The following CCDC187 variants were observed in gnomAD, a reference collection of about 807,000 sequenced individuals.
The protein encoded by CCDC187 is coiled-coil domain containing 187.
A neutral mutation model predicts 38.0 loss-of-function variants in CCDC187; 32 were observed. The ratio of observed to expected loss-of-function variants is 0.84; its 90% CI spans 0.64 to 1.13. The LOEUF (loss-of-function observed/expected upper bound fraction) is 1.13. Among genes scored for constraint, CCDC187 ranks in the 50% most tolerant of loss-of-function variants. CCDC187 has a pLI of 0.00. For missense variants in CCDC187, 707 were observed against 786.8 expected (o/e 0.90, Z 1.21); for synonymous variants, 333 against 347.9 (o/e 0.96, Z 0.48).
Position 136,255,086 on chromosome 9 carries a change from C to T in CCDC187, c.4742G>A (p.Gly1581Asp). 2.0e-6 allele frequency: 2 copies of T among 985,570 alleles called. No individual in the cohort carries two copies. Among genetic ancestry groups the T allele is most frequent in the Non-Finnish European group, 2.4e-6 (2 of 830,096 alleles). 61.1% of individuals were successfully genotyped at this position (985,570 alleles called of 1,614,324 possible). Residue 1581 changes from glycine (G) to aspartate (D), a missense_variant, in exon 26 of 26, where the codon GGC becomes GAC. Gly to Asp is a moderately conservative substitution (Grantham distance 94, BLOSUM62 -1). Coordinates refer to ENST00000638797, the MANE Select transcript of CCDC187 (RefSeq NM_001378188.1). ...GGAGGTGGTGGGGAGAAGGGGACTG[C>T]CCTGGTGCAGGATTGGGGGCGCCGC... ...EEAAPPILHQ[G>D]SPLLPTTSSC...
At chr9:136,259,263 A>C in intron 21 of CCDC187, 100 bp downstream of exon 21, 1 of 305,590 alleles carries the variant, frequency 3.3e-6, no homozygotes, top group Non-Finnish European at 4.6e-6. Context: ...GGGGGAGGGT[A>C]CCAAGATGAA....
intron 24 of CCDC187, among the ~76,000 whole-genome samples, chr9:136,255,998 C>T (rs782682593): frequency 6.6e-6 from 1 of 152,180 alleles, no homozygotes; most frequent in Non-Finnish European, 1.5e-5. Context: ...CGAAGCCGCT[C>T]TGCTGACCTT....
Position 136,291,319 on chromosome 9 carries a change from C to A in CCDC187, c.1294G>T (p.Glu432Ter). ...CTCTCTAAAGAGGAATGCTTCCTCTCTGTCATGGCCCAGGGACTCTTAGAG... is the reference window on the plus strand; with the variant it reads ...CTCTCTAAAGAGGAATGCTTCCTCTATGTCATGGCCCAGGGACTCTTAGAG... ...SFSKSPWAMT[E>*]RKHSSLERAR... Residue 432 changes from glutamate to a stop codon, truncating the protein, a stop_gained, in exon 6 of 26, where the codon GAG becomes TAG. Coordinates refer to ENST00000638797, the MANE Select transcript of CCDC187 (RefSeq NM_001378188.1). LOFTEE classifies it high-confidence loss of function. The A allele has an allele frequency of 2.5e-6, 1 of 398,724 alleles. No homozygotes were observed. The highest frequency in any genetic ancestry group is 4.4e-6 in the Non-Finnish European group (1 of 226,110). The allele number at this position is 398,724 out of a possible 1,614,324, so 24.7% of individuals were successfully genotyped here.
At position 136,266,048 on chromosome 9, in the gene CCDC187, G is replaced by A. The variant is rs973647540; in HGVS notation, c.3648-5C>T. 2.0e-6 allele frequency: 2 copies of A among 985,400 alleles called. No homozygotes were observed. Among genetic ancestry groups the A allele is most frequent in the Non-Finnish European group, 2.4e-6 (2 of 829,962 alleles). The allele number at this position is 985,400 out of a possible 1,614,324, so 61.0% of individuals were successfully genotyped here. On this transcript the variant is annotated splice_polypyrimidine_tract_variant and splice_region_variant and intron_variant, in intron 16 of 25. Coordinates refer to ENST00000638797, the MANE Select transcript of CCDC187 (RefSeq NM_001378188.1). Reference sequence around the variant, plus strand: ...TCCCTCTTGCTGTCCAGGCACCTGGGGGGAGGTGGCAACATCACTGCCAAT... The same window carrying A: ...TCCCTCTTGCTGTCCAGGCACCTGGAGGGAGGTGGCAACATCACTGCCAAT...
intron 4 of CCDC187, among the ~76,000 whole-genome samples, 194 bp downstream of exon 4, chr9:136,297,520 C>T (rs36188899): frequency 1.3e-5 from 2 of 152,120 alleles, no homozygotes; most frequent in Non-Finnish European, 2.9e-5. Context: ...GCCAAGGTCA[C>T]CAGTTGCCTG....
rs1564322055 is a variant in CCDC187 at position 136,290,828 on chromosome 9, C to T, written c.1785G>A (p.Ser595=). 1.0e-5 allele frequency: 4 copies of T among 398,408 alleles called. No homozygotes were observed. Among genetic ancestry groups the T allele is most frequent in the South Asian group, 1.3e-4 (1 of 7,862 alleles). 24.7% of individuals were successfully genotyped at this position (398,408 alleles called of 1,614,324 possible). A position where few individuals can be genotyped will look rare whatever the true frequency, so the allele number is the denominator to read the frequency against. The part of the protein sequence containing the change: ...GKGRGIGSPV[S]AAKHALPRPT... ...GCCTTGGCAGGGCATGCTTGGCAGCCGAGACGGGGGAGCCGATGCCTCTGC... is the reference window on the plus strand; with the variant it reads ...GCCTTGGCAGGGCATGCTTGGCAGCTGAGACGGGGGAGCCGATGCCTCTGC... Residue 595 remains serine (S), a synonymous_variant, in exon 6 of 26, where the codon TCG becomes TCA. Transcript: ENST00000638797.
intron 14 of CCDC187, among the ~76,000 whole-genome samples, chr9:136,269,474 C>T (rs184601962): frequency 1.5e-3 from 227 of 152,136 alleles, no homozygotes; most frequent in African/African-American, 5.2e-3. Flanking sequence ...ATGGTGAAAC[C>T]CCGTCTCTAC....
intron 9 of CCDC187, among the ~76,000 whole-genome samples, chr9:136,282,424 G>A (rs1195608456): frequency 6.6e-6 from 1 of 152,252 alleles, no homozygotes; most frequent in Non-Finnish European, 1.5e-5. Context: ...GGGATGAGGG[G>A]TCTTTGGGGT....
At position 136,255,126 on chromosome 9, in the gene CCDC187, C is replaced by G. The variant is rs931716315; in HGVS notation, c.4702G>C (p.Val1568Leu). Residue 1568 changes from valine (V) to leucine (L), a missense_variant, in exon 26 of 26, where the codon GTG (valine) becomes CTG (leucine). Transcript: ENST00000638797. ...GGGGGCGCCGCCTCCTCAGGGACCA[C>G]AGGAGCTGCTAAGAGAGGGGGCAAT... ...AQAAASPAAPVVPEEAAPPIL... is the reference protein window; with the variant it reads ...AQAAASPAAPLVPEEAAPPIL... 4 of 985,456 alleles carry G rather than the reference C, an allele frequency of 4.1e-6. No homozygotes were observed. In the Middle Eastern group the frequency reaches 1.5e-3, roughly 382 times the overall value. 61.0% of individuals were successfully genotyped at this position (985,456 alleles called of 1,614,324 possible).
intron 7 of CCDC187, 117 bp from the exon 8 acceptor site, chr9:136,286,812 G>A (rs942037125): frequency 1.5e-5 from 6 of 397,620 alleles, no homozygotes; most frequent in African/African-American, 1.2e-4. Context: ...CGGACCCAGT[G>A]TCTGTCCGCA....
At chr9:136,269,790 T>C (rs1478139849) in intron 14 of CCDC187, among the ~76,000 whole-genome samples, 1 of 152,184 alleles carries the variant, frequency 6.6e-6, no homozygotes, top group Admixed American at 6.5e-5. Flanking sequence ...ATTAACAGTA[T>C]CCCAGGCTTG....
chr9:136,280,146 C>T (rs893073042), intron 10 of CCDC187, among the ~76,000 whole-genome samples: 20,016 of 152,312 alleles, frequency 0.13, 1,511 homozygotes, highest in Admixed American at 0.2. Context: ...CCCACCCCAC[C>T]GGCACATGCG....
In CCDC187 at chr9:136,257,246, G is replaced by A. The variant is rs538153513; in HGVS notation, c.4367-405C>T. The stretch of plus-strand genomic sequence containing the variant: ...AAATTAGGCGGGCATGGTGGCGGGG[G>A]CCTATAATTCCAGCTACTCAGGAGG... On this transcript the variant is annotated intron_variant, in intron 22 of 25. Transcript: ENST00000638797. The surrounding 1 kb of genome is among the most constrained non-coding windows in gnomAD (Gnocchi z 4.5). Among the ~76,000 whole-genome samples the A allele has an allele frequency of 1.5e-4, 23 of 152,256 alleles. No individual in the cohort carries two copies. In the East Asian group the frequency reaches 4.4e-3, roughly 29 times the overall value.
intron 14 of CCDC187, among the ~76,000 whole-genome samples, chr9:136,274,080 T>G (rs1376334132): frequency 6.6e-6 from 1 of 151,406 alleles, no homozygotes; most frequent in South Asian, 2.1e-4. Context: ...CTCAAAGGAG[T>G]GGAGGTGGGC....
intron 17 of CCDC187, among the ~76,000 whole-genome samples, chr9:136,265,305 G>A (rs1409797501): frequency 6.6e-6 from 1 of 152,146 alleles, no homozygotes; most frequent in African/African-American, 2.4e-5. Context: ...CTTTCCCTGG[G>A]GGTCTGCTTC....
intron 3 of CCDC187, among the ~76,000 whole-genome samples, chr9:136,299,352 C>T (rs1007175922): frequency 3.9e-5 from 6 of 152,264 alleles, no homozygotes; most frequent in South Asian, 2.1e-4. Flanking sequence ...GAGAAACCAC[C>T]GACCTGGACC....
At chr9:136,300,636 C>T (rs1427367427) in intron 2 of CCDC187, among the ~76,000 whole-genome samples, 7 of 151,502 alleles carry the variant, frequency 4.6e-5, no homozygotes, top group Admixed American at 2.0e-4. Flanking sequence ...CTAGCTCTGT[C>T]GCCCAGGCTG....
At chr9:136,294,748 G>A (rs1007025270) in intron 4 of CCDC187, among the ~76,000 whole-genome samples, 29 of 152,182 alleles carry the variant, frequency 1.9e-4, no homozygotes, top group South Asian at 6.2e-4. Context: ...CCAAAGCCAC[G>A]TCCCCAAGGA....
In CCDC187 at chr9:136,276,686, G is replaced by C. The variant is rs1407507698; in HGVS notation, c.3082C>G (p.Gln1028Glu). The C allele has an allele frequency of 1.3e-5, 2 of 152,184 alleles. No homozygotes were observed. The highest frequency in any genetic ancestry group is 6.5e-5 in the Admixed American group (1 of 15,276). The allele number at this position is 152,184 out of a possible 1,614,324, so 9.4% of individuals were successfully genotyped here. Residue 1028 changes from glutamine (Q) to glutamate (E), a missense_variant, in exon 11 of 26, where the codon CAA (glutamine) becomes GAA (glutamate). By Grantham distance (29) the Gln-to-Glu change is conservative. Transcript: ENST00000638797. ...TCCAGAAAGCTGGAGGTCTTCTGTT[G>C]GGTGTTGGGAAGGCATCTCACACAT... Reference protein sequence around the residue: ...DPCVRCLPNTQQKTSSFLDSL... With the variant: ...DPCVRCLPNTEQKTSSFLDSL...
Sources: gnomAD v4.1 joint callset for allele counts (sites outside exome capture counted in the v4.1 genomes callset) on GRCh38, gnomAD v4.1.1 for gene constraint, Gnocchi (gnomAD v3.1) non-coding constraint, MANE v1.5 for transcripts, NCBI Gene and HGNC (gene_info 2026-07-23, HGNC 2026-07-21) for gene names.